The following DSE variants were observed in gnomAD, a reference collection of about 807,000 sequenced individuals.
DSE encodes dermatan sulfate epimerase, also known as dermatan-sulfate epimerase.
DSE carries 36 observed loss-of-function variants against 84.4 expected under a neutral mutation model. That is an observed-to-expected ratio of 0.43 (90% CI 0.33 to 0.56). The LOEUF (loss-of-function observed/expected upper bound fraction) is 0.56, where lower values mean the gene tolerates loss of function less well. DSE is among the 20% of genes least tolerant of loss of function. The pLI, the probability that DSE is intolerant of heterozygous loss-of-function variation, is 0.06. For synonymous variants in DSE, 410 were observed against 430.1 expected, an observed-to-expected ratio of 0.95 and a Z score of 0.58; for missense variants, 862 against 1,169.6, an observed-to-expected ratio of 0.74 and a Z score of 3.84.
chr6:116,390,551 A>G (rs1278415613), intron 1 of DSE, among the ~76,000 whole-genome samples: 2 of 152,246 alleles, frequency 1.3e-5, no homozygotes, highest in Non-Finnish European at 2.9e-5. Context: ...ACACTTAATT[A>G]TGCTCAATAT....
chr6:116,363,473 G>T (rs1779014887), intron 2 of DSE, among the ~76,000 whole-genome samples: 1 of 152,048 alleles, frequency 6.6e-6, no homozygotes, highest in Non-Finnish European at 1.5e-5. Context: ...CTGCTATCAA[G>T]TATCAGCCTT....
At chr6:116,435,064 A>C (rs1784063453) in intron 5 of DSE, among the ~76,000 whole-genome samples, 1 of 152,200 alleles carries the variant, frequency 6.6e-6, no homozygotes, top group Non-Finnish European at 1.5e-5. Flanking sequence ...CATTTTATCT[A>C]ATATGTGAAG....
intron 2 of DSE, among the ~76,000 whole-genome samples, chr6:116,338,982 C>G (rs973809568): frequency 1.3e-5 from 2 of 152,172 alleles, no homozygotes; most frequent in Non-Finnish European, 2.9e-5. Flanking sequence ...TCCAATCTTT[C>G]TCTTATTTGT....
intron 2 of DSE, among the ~76,000 whole-genome samples, chr6:116,318,232 C>T (rs1263057275): frequency 6.6e-6 from 1 of 152,140 alleles, no homozygotes; most frequent in East Asian, 1.9e-4. Flanking sequence ...AGGGGCCAGT[C>T]GTGGTGGCTC....
intron 1 of DSE, among the ~76,000 whole-genome samples, chr6:116,395,544 C>T (rs923442476): frequency 6.6e-6 from 1 of 152,146 alleles, no homozygotes; most frequent in Non-Finnish European, 1.5e-5. Flanking sequence ...TCAGGTACCA[C>T]CTTCAACAAT....
At chr6:116,347,203 T>C (rs932693162) in intron 2 of DSE, among the ~76,000 whole-genome samples, 8 of 152,170 alleles carry the variant, frequency 5.3e-5, no homozygotes, top group Non-Finnish European at 8.8e-5. Context: ...TCCAAGGTAA[T>C]TTATAGATTC....
chr6:116,307,823 T>A (rs1252929010), intron 2 of DSE, among the ~76,000 whole-genome samples: 1 of 152,206 alleles, frequency 6.6e-6, no homozygotes, highest in Non-Finnish European at 1.5e-5. Context: ...TGTTTCTAGT[T>A]AAAAATTGGA....
rs947735005 is a variant in DSE at position 116,304,311 on chromosome 6, T to C, written c.-54+45344T>C. Among the ~76,000 whole-genome samples, 3 of 152,130 alleles carry C rather than the reference T, an allele frequency of 2.0e-5. No homozygotes were observed. In the East Asian group the frequency reaches 5.8e-4, roughly 29 times the overall value. On this transcript the variant is annotated intron_variant, in intron 2 of 3. Coordinates refer to the DSE transcript ENST00000430252. Reference sequence around the variant, plus strand: ...TAGGTTGCAAAGTATTTAGCCCACTTTTCAAATACCTTTGCATATCTGAAA... The same window carrying C: ...TAGGTTGCAAAGTATTTAGCCCACTCTTCAAATACCTTTGCATATCTGAAA...
At chr6:116,273,398 A>G (rs1433371727) in intron 2 of DSE, among the ~76,000 whole-genome samples, 1 of 152,248 alleles carries the variant, frequency 6.6e-6, no homozygotes, top group East Asian at 1.9e-4. Flanking sequence ...CTCTGAGGTC[A>G]GAGAGAATGG....
chr6:116,283,625 C>A (rs1423204343), intron 2 of DSE, among the ~76,000 whole-genome samples: 1 of 152,032 alleles, frequency 6.6e-6, no homozygotes, highest in Non-Finnish European at 1.5e-5. Flanking sequence ...CTCACTGCAA[C>A]CTCTGCCTCC....
In DSE at chr6:116,418,581, G is replaced by A. The variant is rs140083438; in HGVS notation, c.417-7993G>A. ...GGCAGTATCTCTTCTTCTAATGTGT[G>A]CCCCTTTTCTCAGATCTCATGCCTT... is the stretch of plus-strand genomic sequence containing the variant. On this transcript the variant is annotated intron_variant, in intron 2 of 5. Coordinates refer to ENST00000644252, the MANE Select transcript of DSE (RefSeq NM_013352.4). 4.5e-3 allele frequency among the ~76,000 whole-genome samples: 683 copies of A among 152,230 alleles called. 23 individuals are homozygous for A. The highest frequency in any genetic ancestry group is 0.043 in the South Asian group (206 of 4,824).
intron 2 of DSE, among the ~76,000 whole-genome samples, chr6:116,296,793 T>C (rs150297418): frequency 6.6e-6 from 1 of 152,330 alleles, no homozygotes; most frequent in African/African-American, 2.4e-5. Context: ...GATTTTATTC[T>C]AGTTACAATG....
intron 2 of DSE, among the ~76,000 whole-genome samples, chr6:116,406,948 T>C (rs888856809): frequency 6.6e-6 from 1 of 152,094 alleles, no homozygotes. Flanking sequence ...GGTTAGAAGC[T>C]TATAATATTA....
intron 2 of DSE, among the ~76,000 whole-genome samples, chr6:116,336,306 TAC>T (rs1254318938): frequency 6.6e-6 from 1 of 152,260 alleles, no homozygotes; most frequent in Non-Finnish European, 1.5e-5. Context: ...GATAATGTGA[TAC>T]AGTTAATTTT....
chr6:116,353,407 T>C (rs760177113), intron 2 of DSE, among the ~76,000 whole-genome samples: 7 of 152,236 alleles, frequency 4.6e-5, no homozygotes, highest in Non-Finnish European at 7.3e-5. Context: ...ATGTGATAGA[T>C]AGTTACTTGG....
chr6:116,273,838 T>G (rs1273026368), intron 2 of DSE, among the ~76,000 whole-genome samples: 1 of 150,736 alleles, frequency 6.6e-6, no homozygotes, highest in Non-Finnish European at 1.5e-5. Flanking sequence ...TTTTTTGTTT[T>G]TTTTTTTTTT....
intron 1 of DSE, among the ~76,000 whole-genome samples, chr6:116,257,853 T>G (rs1772210986): frequency 1.3e-5 from 2 of 152,024 alleles, no homozygotes; most frequent in Admixed American, 1.3e-4. Context: ...TAGGTTTCAA[T>G]ATATTAGAGG....
At chr6:116,404,061 A>G (rs761996063) in intron 2 of DSE, among the ~76,000 whole-genome samples, 1 of 152,120 alleles carries the variant, frequency 6.6e-6, no homozygotes, top group Non-Finnish European at 1.5e-5. Flanking sequence ...AGAATTTTGC[A>G]TGTGTAGAAA....
intron 2 of DSE, among the ~76,000 whole-genome samples, chr6:116,260,989 T>G (rs1210018907): frequency 6.6e-6 from 1 of 152,108 alleles, no homozygotes; most frequent in African/African-American, 2.4e-5. Flanking sequence ...TCCATTTGAG[T>G]TTTAAAATAG....
Sources: allele counts gnomAD v4.1 joint callset (sites outside exome capture counted in the v4.1 genomes callset), GRCh38; gene constraint gnomAD v4.1.1; transcripts MANE v1.5; gene names NCBI Gene and HGNC (gene_info 2026-07-23, HGNC 2026-07-21).